USP34: variants seen among roughly 807,000 people sequenced by gnomAD.
USP34 encodes the protein ubiquitin specific peptidase 34.
A neutral mutation model predicts 460.3 loss-of-function variants in USP34; 70 were observed. The observed-to-expected ratio is 0.15, with a 90% CI of 0.13 to 0.19. The LOEUF (loss-of-function observed/expected upper bound fraction) is 0.19, where lower values mean the gene tolerates loss of function less well. USP34 is among the 10% of genes least tolerant of loss of function. The probability of loss-of-function intolerance (pLI) is 1.00; values close to 1 mark genes in which losing one functional copy is unlikely to be tolerated. For synonymous variants in USP34, 1,647 were observed against 1,405.3 expected (o/e 1.17, Z -3.85); for missense variants, 3,985 against 4,236.2 (o/e 0.94, Z 1.65).
At chr2:61,339,868 C>T (rs1189128414) in intron 16 of USP34, among the ~76,000 whole-genome samples, 187 bp from the exon 17 acceptor site, 1 of 151,748 alleles carries the variant, frequency 6.6e-6, no homozygotes, top group Non-Finnish European at 1.5e-5. Flanking sequence ...GACTGAGTCT[C>T]GCTATGTTGG....
At chr2:61,249,959 G>A in intron 48 of USP34, 1 of 166,070 alleles carries the variant, frequency 6.0e-6, no homozygotes. Context: ...GAGAAAAACA[G>A]CTCTCAGGCT....
chr2:61,366,460 C>A (rs377759031), intron 10 of USP34, among the ~76,000 whole-genome samples: 21 of 152,208 alleles, frequency 1.4e-4, no homozygotes, highest in East Asian at 1.3e-3. Flanking sequence ...CAGAAAAACA[C>A]GAGCAGCCAA....
At chr2:61,280,859 T>TA (rs1413815353) in intron 38 of USP34, among the ~76,000 whole-genome samples, 12 of 152,172 alleles carry the variant, frequency 7.9e-5, no homozygotes, top group East Asian at 1.9e-4. Context: ...ATTTCTAAAA[T>TA]AGAGTATCCA....
intron 15 of USP34, among the ~76,000 whole-genome samples, chr2:61,347,225 A>G (rs995086785): frequency 6.6e-6 from 1 of 152,214 alleles, no homozygotes; most frequent in Admixed American, 6.5e-5. Flanking sequence ...AAAGTGCTAT[A>G]AGTATAAAAT....
At chr2:61,396,380 T>TC (rs1290957065) in intron 3 of USP34, among the ~76,000 whole-genome samples, 1 of 152,176 alleles carries the variant, frequency 6.6e-6, no homozygotes, top group Non-Finnish European at 1.5e-5. Flanking sequence ...AAGGAACTAA[T>TC]CATACTAGTA....
At chr2:61,324,163 G>A (rs546262903) in intron 21 of USP34, among the ~76,000 whole-genome samples, 1 of 152,142 alleles carries the variant, frequency 6.6e-6, no homozygotes, top group Non-Finnish European at 1.5e-5. Context: ...GAGAGTAAAG[G>A]ATGACAGTCA....
chr2:61,244,351 C>T (rs1441416785), intron 51 of USP34, among the ~76,000 whole-genome samples: 1 of 152,122 alleles, frequency 6.6e-6, no homozygotes, highest in African/African-American at 2.4e-5. Flanking sequence ...TGCCATGGCT[C>T]ACGTCTGTGA....
intron 62 of USP34, 72 bp from the exon 63 acceptor site, chr2:61,223,368 T>A: frequency 1.4e-6 from 2 of 1,427,920 alleles, no homozygotes; most frequent in Non-Finnish European, 1.9e-6. Context: ...ACAACATGTA[T>A]CAAAAATTGT....
At chr2:61,194,688 G>A (rs1686744157) in intron 75 of USP34, among the ~76,000 whole-genome samples, 1 of 152,230 alleles carries the variant, frequency 6.6e-6, no homozygotes, top group Non-Finnish European at 1.5e-5. Flanking sequence ...AGGCGCAGTG[G>A]CTCATGCCTG....
chr2:61,295,086 A>G, intron 31 of USP34, 54 bp from the exon 32 acceptor site: 2 of 1,600,794 alleles, frequency 1.2e-6, no homozygotes, highest in Non-Finnish European at 1.7e-6. Context: ...GAATTATTAT[A>G]GAATGGAAAA....
intron 75 of USP34, among the ~76,000 whole-genome samples, chr2:61,202,438 T>C (rs578181658): frequency 4.3e-4 from 65 of 152,224 alleles, no homozygotes; most frequent in African/African-American, 1.3e-3. Flanking sequence ...AGTCCTGAGA[T>C]AGAGGACCTC....
At chr2:61,335,309 C>T (rs535532349) in intron 18 of USP34, among the ~76,000 whole-genome samples, 1 of 152,272 alleles carries the variant, frequency 6.6e-6, no homozygotes, top group Admixed American at 6.5e-5. Flanking sequence ...TACTGATATG[C>T]TTACAAAACT....
chr2:61,303,429 T>TG (rs1558519338), intron 27 of USP34, among the ~76,000 whole-genome samples: 1 of 152,186 alleles, frequency 6.6e-6, no homozygotes, highest in African/African-American at 2.4e-5. Flanking sequence ...TTCATCATGT[T>TG]GCTCACAAAT....
intron 43 of USP34, among the ~76,000 whole-genome samples, chr2:61,262,116 A>AAAAAAAT (rs1553359480): frequency 4.2e-5 from 2 of 47,380 alleles, no homozygotes; most frequent in Non-Finnish European, 8.1e-5. Flanking sequence ...AAAAAAAAAA[A>AAAAAAAT]ATATATATAT....
Position 61,373,747 on chromosome 2 carries a change from T to C in USP34, c.1077-3168A>G, listed in dbSNP as rs1692702617. Among the ~76,000 whole-genome samples the C allele has an allele frequency of 2.0e-5, 3 of 152,322 alleles. No homozygotes were observed. In the South Asian group the frequency reaches 6.2e-4, roughly 32 times the overall value. On this transcript the variant is annotated intron_variant, in intron 8 of 79. Transcript: ENST00000398571. ...TCACTGCAAACACTGAATTAGCTAA[T>C]ACTGAACCCTTGGCCCTACAGGAAA...
At chr2:61,299,585 T>C (rs186263600) in intron 29 of USP34, among the ~76,000 whole-genome samples, 219 of 152,052 alleles carry the variant, frequency 1.4e-3, no homozygotes, top group Admixed American at 3.4e-3. Flanking sequence ...AGACCATGTC[T>C]ACAAAATATT....
At chr2:61,462,853 C>T (rs1695645431) in intron 1 of USP34, among the ~76,000 whole-genome samples, 1 of 131,126 alleles carries the variant, frequency 7.6e-6, no homozygotes. Context: ...CAGAGGGAAA[C>T]TGTTTCCCAA....
chr2:61,464,833 C>A lies in USP34; in HGVS notation c.43+5817G>T, dbSNP rs191100188. ...ACTAGTGAGTTTGCTATGGTGATGG[C>A]CTAAAGCATGTAATTTTAAGCCTCC... is the stretch of plus-strand genomic sequence containing the variant. On this transcript the variant is annotated intron_variant, in intron 1 of 79. Coordinates refer to ENST00000398571, the MANE Select transcript of USP34 (RefSeq NM_014709.4). Among the ~76,000 whole-genome samples the A allele has an allele frequency of 6.6e-5, 10 of 151,770 alleles. No homozygotes were observed. In the East Asian group the frequency reaches 1.9e-3, roughly 29 times the overall value.
intron 41 of USP34, among the ~76,000 whole-genome samples, chr2:61,267,298 G>C (rs528852450): frequency 2.7e-4 from 41 of 152,222 alleles, no homozygotes; most frequent in African/African-American, 9.6e-4. Context: ...GGAAACTCTT[G>C]AAAGACGTAC....
Sources: gnomAD v4.1 joint callset for allele counts (sites outside exome capture counted in the v4.1 genomes callset) on GRCh38, gnomAD v4.1.1 for gene constraint, MANE v1.5 for transcripts, NCBI Gene and HGNC (gene_info 2026-07-23, HGNC 2026-07-21) for gene names.